The following EIF3A variants were observed in gnomAD, a reference collection of about 807,000 sequenced individuals.
EIF3A encodes eukaryotic translation initiation factor 3 subunit A.
EIF3A carries 21 observed loss-of-function variants against 186.6 expected under a neutral mutation model. The observed-to-expected ratio is 0.11, with a 90% CI of 0.08 to 0.16. The LOEUF is 0.16. EIF3A is among the 10% of genes least tolerant of loss of function. EIF3A has a pLI of 1.00. For missense variants in EIF3A, 1,306 were observed against 1,796.3 expected (o/e 0.73, Z 4.93); for synonymous variants, 563 against 584.3 (o/e 0.96, Z 0.52).
At chr10:119,073,261 A>C (rs987563778) in intron 3 of EIF3A, among the ~76,000 whole-genome samples, 180 bp downstream of exon 3, 2 of 152,110 alleles carry the variant, frequency 1.3e-5, no homozygotes, top group African/African-American at 4.8e-5. Flanking sequence ...TAAGGCTGTC[A>C]TTTTCCACTT....
intron 4 of EIF3A, 76 bp downstream of exon 4, chr10:119,072,814 T>A (rs1009208533): frequency 3.7e-5 from 56 of 1,506,928 alleles, no homozygotes; most frequent in Non-Finnish European, 1.2e-5. Flanking sequence ...ACTAGTTCAT[T>A]TTAAGTACTT....
chr10:119,054,433 G>C (rs1396364531), intron 14 of EIF3A, among the ~76,000 whole-genome samples: 5 of 151,706 alleles, frequency 3.3e-5, no homozygotes, highest in Non-Finnish European at 5.9e-5. Context: ...AACTCTTCCG[G>C]GCCAGGCACG....
chr10:119,055,045 T>A lies in EIF3A; in HGVS notation c.2196+1695A>T, dbSNP rs10886374. On this transcript the variant is annotated intron_variant, in intron 14 of 21. Coordinates refer to ENST00000369144, the MANE Select transcript of EIF3A (RefSeq NM_003750.4). Reference sequence around the variant, plus strand: ...GCCAACACGGTGACCTCATCTCCACTAAAAACACAAAAACTAGCCGGGCAT... The same window carrying A: ...GCCAACACGGTGACCTCATCTCCACAAAAAACACAAAAACTAGCCGGGCAT... 4.6e-5 allele frequency among the ~76,000 whole-genome samples: 7 copies of A among 151,892 alleles called. No individual in the cohort carries two copies. The East Asian group carries it at 9.7e-4, about 21-fold the overall frequency.
chr10:119,079,994 AAAAAC>A (rs1235638921), intron 1 of EIF3A, among the ~76,000 whole-genome samples: 1 of 152,246 alleles, frequency 6.6e-6, no homozygotes, highest in Non-Finnish European at 1.5e-5. Flanking sequence ...ATGAAAAAAC[AAAAAC>A]AAAACAAAAC....
intron 14 of EIF3A, among the ~76,000 whole-genome samples, chr10:119,053,772 C>T (rs1345437759): frequency 6.6e-6 from 1 of 152,196 alleles, no homozygotes; most frequent in Non-Finnish European, 1.5e-5. Context: ...CATCAACTAT[C>T]TCAGCCAAAT....
At chr10:119,054,531 A>G (rs376529744) in intron 14 of EIF3A, among the ~76,000 whole-genome samples, 24 of 150,500 alleles carry the variant, frequency 1.6e-4, no homozygotes, top group South Asian at 1.3e-3. Context: ...CCTGACCAAC[A>G]TAGAGAAACC....
chr10:119,067,120 G>A (rs556979693), intron 6 of EIF3A, among the ~76,000 whole-genome samples: 100 of 152,206 alleles, frequency 6.6e-4, no homozygotes, highest in African/African-American at 2.1e-3. Context: ...GGAGGCTGAG[G>A]CAGGAGAAGC....
intron 19 of EIF3A, among the ~76,000 whole-genome samples, chr10:119,040,911 CAGG>C (rs895313036): frequency 2.0e-5 from 3 of 147,560 alleles, no homozygotes; most frequent in African/African-American, 7.5e-5. Context: ...GAGGCTGAGG[CAGG>C]AGAAGGGCAT....
At chr10:119,074,937 A>AT (rs1844137848) in intron 1 of EIF3A, among the ~76,000 whole-genome samples, 1 of 146,154 alleles carries the variant, frequency 6.8e-6, no homozygotes, top group Admixed American at 6.9e-5. Flanking sequence ...AAAAAAAAAA[A>AT]AAAAGGGAAA....
intron 6 of EIF3A, among the ~76,000 whole-genome samples, chr10:119,066,250 T>A (rs1418352727): frequency 1.3e-5 from 2 of 152,102 alleles, no homozygotes; most frequent in African/African-American, 4.8e-5. Context: ...GGCTCACGCC[T>A]GTAATCCCAG....
At chr10:119,041,972 A>G in intron 19 of EIF3A, 22 bp downstream of exon 19, 1 of 1,610,164 alleles carries the variant, frequency 6.2e-7, no homozygotes, top group South Asian at 1.1e-5. Context: ...ACTTAAGCAT[A>G]TTCTAGGAAA....
Position 119,071,161 on chromosome 10 carries a change from C to T in EIF3A, c.542-76G>A. 6 of 1,030,526 alleles carry T rather than the reference C, an allele frequency of 5.8e-6. No individual in the cohort carries two copies. The South Asian group carries it at 8.2e-5, about 14-fold the overall frequency. The allele number at this position is 1,030,526 out of a possible 1,614,324, so 63.8% of individuals were successfully genotyped here. A position where few individuals can be genotyped will look rare whatever the true frequency, so the allele number is the denominator to read the frequency against. ...ATATTTGAATAGGTTTTATTTCACA[C>T]ATTAAGATCAGTTGTTTTAACAGGA... is the stretch of plus-strand genomic sequence containing the variant. On this transcript the variant is annotated intron_variant, in intron 4 of 21. Transcript: ENST00000369144.
chr10:119,042,882 G>A lies in EIF3A; in HGVS notation c.2748-110C>T. Reference sequence around the variant, plus strand: ...AAAAACTTCAGTATGGGCCGGAGCAGTGGCTCGCACCTTTAATCCCAGCAC... The same window carrying A: ...AAAAACTTCAGTATGGGCCGGAGCAATGGCTCGCACCTTTAATCCCAGCAC... On this transcript the variant is annotated intron_variant, in intron 18 of 21. Transcript: ENST00000369144. The surrounding 1 kb of genome is among the most constrained non-coding windows in gnomAD (Gnocchi z 7.8). 8.8e-7 allele frequency: 1 copy of A among 1,141,620 alleles called. No individual in the cohort carries two copies. The highest frequency in any genetic ancestry group is 1.2e-6 in the Non-Finnish European group (1 of 829,342). 70.7% of individuals were successfully genotyped at this position (1,141,620 alleles called of 1,614,324 possible).
intron 15 of EIF3A, 48 bp from the exon 16 acceptor site, chr10:119,050,722 A>T (rs1451993870): frequency 6.2e-7 from 1 of 1,602,774 alleles, no homozygotes; most frequent in Non-Finnish European, 8.5e-7. Context: ...CTTTGTCAAG[A>T]GCAACAAACT....
At chr10:119,074,782 A>G (rs1844133620) in intron 1 of EIF3A, among the ~76,000 whole-genome samples, 1 of 151,160 alleles carries the variant, frequency 6.6e-6, no homozygotes, top group Non-Finnish European at 1.5e-5. Flanking sequence ...AAAAATACAA[A>G]ATTAGCAGGG....
chr10:119,072,024 C>CAAAAAAAAAAAAAAAAAAAA (rs56100757), intron 4 of EIF3A, among the ~76,000 whole-genome samples: 12 of 59,460 alleles, frequency 2.0e-4, no homozygotes, highest in African/African-American at 2.4e-4. Flanking sequence ...GACTCTGTCT[C>CAAAAAAAAAAAAAAAAAAAA]AAAAAAAAAA....
At position 119,063,659 on chromosome 10, in the gene EIF3A, T is replaced by C. The variant is rs17098397; in HGVS notation, c.1122+1740A>G. ...TTCTAATAACCAAGTCAGACTATTA[T>C]GATAAGAATCCCTAGAATCTCAGCT... On this transcript the variant is annotated intron_variant, in intron 7 of 21. Coordinates refer to ENST00000369144, the MANE Select transcript of EIF3A (RefSeq NM_003750.4). 3.2e-3 allele frequency among the ~76,000 whole-genome samples: 486 copies of C among 152,320 alleles called. 14 individuals carry two copies. In the East Asian group the frequency reaches 0.067, roughly 21 times the overall value.
intron 14 of EIF3A, among the ~76,000 whole-genome samples, chr10:119,054,075 C>T (rs1278311052): frequency 6.6e-6 from 1 of 152,126 alleles, no homozygotes; most frequent in Non-Finnish European, 1.5e-5. Flanking sequence ...CATCTGCCAC[C>T]ACGCCCAGCT....
chr10:119,075,670 CCT>C (rs1489075230), intron 1 of EIF3A, among the ~76,000 whole-genome samples: 1 of 112,596 alleles, frequency 8.9e-6, no homozygotes, highest in Non-Finnish European at 1.9e-5. Context: ...ATATATATCT[CCT>C]TTTTAAAAAT....
Sources: allele counts gnomAD v4.1 joint callset (sites outside exome capture counted in the v4.1 genomes callset), GRCh38; gene constraint gnomAD v4.1.1; non-coding constraint Gnocchi (gnomAD v3.1); transcripts MANE v1.5; gene names NCBI Gene and HGNC (gene_info 2026-07-23, HGNC 2026-07-21).